ACRV1: variants seen among roughly 807,000 people sequenced by gnomAD.
ACRV1 encodes acrosomal vesicle protein 1, also known as acrosomal protein SP-10.
A neutral mutation model predicts 29.2 loss-of-function variants in ACRV1; 17 were observed. The observed-to-expected ratio is 0.58, with a 90% CI of 0.40 to 0.87. ACRV1 has a LOEUF of 0.87. Ranked by LOEUF, ACRV1 falls within the 40% of genes least tolerant of loss-of-function variation. The pLI, the probability that ACRV1 is intolerant of heterozygous loss-of-function variation, is 0.00. For synonymous variants in ACRV1, 98 were observed against 111.6 expected (o/e 0.88, Z 0.77); for missense variants, 294 against 316.0 (o/e 0.93, Z 0.53).
intron 3 of ACRV1, among the ~76,000 whole-genome samples, chr11:125,674,046 G>T (rs1314476742): frequency 6.6e-6 from 1 of 152,120 alleles, no homozygotes; most frequent in African/African-American, 2.4e-5. Context: ...AGCTACTCAG[G>T]AGGGTGAGGC....
intron 3 of ACRV1, 115 bp from the exon 4 acceptor site, chr11:125,672,832 A>G (rs1942267584): frequency 7.8e-7 from 1 of 1,281,566 alleles, no homozygotes; most frequent in Non-Finnish European, 1.1e-6. Context: ...CTTGTCCATT[A>G]TCCCTTCTCT....
intron 2 of ACRV1, 61 bp downstream of exon 2, chr11:125,677,736 T>C (rs888308236): frequency 1.9e-6 from 3 of 1,594,802 alleles, no homozygotes; most frequent in Non-Finnish European, 2.6e-6. Flanking sequence ...TGGGTTTTCT[T>C]GATGTGTTCC....
intron 1 of ACRV1, among the ~76,000 whole-genome samples, chr11:125,679,465 G>A (rs941508240): frequency 3.3e-5 from 5 of 152,044 alleles, no homozygotes; most frequent in African/African-American, 4.8e-5. Context: ...TGATCCGCCC[G>A]CCTCAGCCTC....
Position 125,677,985 on chromosome 11 carries a change from T to G in ACRV1, c.365A>C (p.Glu122Ala). ...CAAAGGCTGTTCTCCGGAGAGGTGTTCACCTGAAGGCTGTTCTCCTGAAGG... is the reference window on the plus strand; with the variant it reads ...CAAAGGCTGTTCTCCGGAGAGGTGTGCACCTGAAGGCTGTTCTCCTGAAGG... ...EQPSGEQPSG[E>A]HLSGEQPLSE... is the part of the protein sequence containing the mutation. The change falls in exon 2 of 4, where the codon GAA becomes GCA. Residue 122 changes from glutamate (E) to alanine (A), a missense_variant. By Grantham distance (107) the Glu-to-Ala change is moderately radical (BLOSUM62 -1). Transcript: ENST00000533904. 6.2e-7 allele frequency: 1 copy of G among 1,613,768 alleles called. No individual in the cohort carries two copies. Among genetic ancestry groups the G allele is most frequent in the Non-Finnish European group, 8.5e-7 (1 of 1,179,718 alleles).
chr11:125,678,203 AG>A lies in ACRV1; in HGVS notation c.146del (p.Pro49LeufsTer14), dbSNP rs1309910487. ...LPGEFFSLEN[P>X]SDAEALYETS... ...TCTCATATAAAGCCTCAGCATCAGA[AG>A]GGTTTTCAAGTGAAAAGAACTCACC... On this transcript the variant is annotated frameshift_variant, in exon 2 of 4. Coordinates refer to ENST00000533904, the MANE Select transcript of ACRV1 (RefSeq NM_001612.6). LOFTEE classifies it high-confidence loss of function. 2.5e-6 allele frequency: 4 copies of A among 1,614,084 alleles called. No homozygotes were observed. The highest frequency in any genetic ancestry group is 2.7e-5 in the African/African-American group (2 of 74,920).
intron 1 of ACRV1, among the ~76,000 whole-genome samples, chr11:125,679,445 T>C (rs1942698347): frequency 6.6e-6 from 1 of 152,148 alleles, no homozygotes; most frequent in Admixed American, 6.5e-5. Flanking sequence ...CTTGAACTCC[T>C]GACCTCAAGT....
chr11:125,677,729 G>A (rs1942578363), intron 2 of ACRV1, 68 bp downstream of exon 2: 11 of 1,585,112 alleles, frequency 6.9e-6, no homozygotes, highest in Non-Finnish European at 9.5e-6. Flanking sequence ...CTAAAATTGG[G>A]TTTTCTTGAT....
chr11:125,672,806 A>C, intron 3 of ACRV1, 89 bp from the exon 4 acceptor site: 1 of 1,515,038 alleles, frequency 6.6e-7, no homozygotes. Flanking sequence ...TCCATGCAGG[A>C]TGGTCAAGAC....
rs536046807 is a variant in ACRV1 at position 125,677,733 on chromosome 11, T to C, written c.553+64A>G. On this transcript the variant is annotated intron_variant, in intron 2 of 3. Transcript: ENST00000533904. The stretch of plus-strand genomic sequence containing the variant: ...GCACTCCTTCCCTAAAATTGGGTTT[T>C]CTTGATGTGTTCCCCATTTCCCACC... 4.7e-4 allele frequency: 742 copies of C among 1,592,878 alleles called. 13 individuals carry two copies. In the South Asian group the frequency reaches 7.8e-3, roughly 17 times the overall value.
rs1429917540 is a variant in ACRV1 at position 125,675,355 on chromosome 11, T to G, written c.673+1004A>C. 2.6e-5 allele frequency among the ~76,000 whole-genome samples: 4 copies of G among 151,300 alleles called. No individual in the cohort carries two copies. The East Asian group carries it at 7.7e-4, about 29-fold the overall frequency. On this transcript the variant is annotated intron_variant, in intron 3 of 3. Transcript: ENST00000533904. ...TCTCCCTTGTGATATTGTTTCTTAT[T>G]TCTTACATTATAACATAATCTCTTT...
chr11:125,676,597 G>C lies in ACRV1; in HGVS notation c.554-119C>G, dbSNP rs1168816556. On this transcript the variant is annotated intron_variant, in intron 2 of 3. Transcript: ENST00000533904. ...ATGGATACTACACATTTATTTCTTA[G>C]TTCTTTTTGGGGATCTGGGCCCTGT... The C allele has an allele frequency of 2.3e-5, 29 of 1,270,302 alleles. No homozygotes were observed. In the Middle Eastern group the frequency reaches 1.3e-3, roughly 56 times the overall value. The allele number at this position is 1,270,302 out of a possible 1,614,324, so 78.7% of individuals were successfully genotyped here. A position where few individuals can be genotyped will look rare whatever the true frequency, so the allele number is the denominator to read the frequency against.
chr11:125,679,581 A>C (rs1942704404), intron 1 of ACRV1, among the ~76,000 whole-genome samples: 1 of 152,250 alleles, frequency 6.6e-6, no homozygotes, highest in Non-Finnish European at 1.5e-5. Context: ...GAACAGAAGC[A>C]CAAAACAGAT....
At position 125,672,506 on chromosome 11, in the gene ACRV1, T is replaced by TG; in HGVS notation, c.*86dup. ...GAGGCAGATGTGGTCAGTTGTTGACTGGGGAAGGAACTAAATATAAAATGA... is the reference window on the plus strand; with the variant it reads ...GAGGCAGATGTGGTCAGTTGTTGACTGGGGGAAGGAACTAAATATAAAATGA... On this transcript the variant is annotated 3_prime_UTR_variant, in exon 4 of 4. Transcript: ENST00000533904. The TG allele has an allele frequency of 4.0e-6, 6 of 1,515,376 alleles. No individual in the cohort carries two copies. Among genetic ancestry groups the TG allele is most frequent in the Non-Finnish European group, 5.4e-6 (6 of 1,115,518 alleles). The allele number at this position is 1,515,376 out of a possible 1,614,324, so 93.9% of individuals were successfully genotyped here. A position where few individuals can be genotyped will look rare whatever the true frequency, so the allele number is the denominator to read the frequency against.
At chr11:125,673,364 G>C (rs1942306043) in intron 3 of ACRV1, among the ~76,000 whole-genome samples, 1 of 151,816 alleles carries the variant, frequency 6.6e-6, no homozygotes, top group Non-Finnish European at 1.5e-5. Context: ...CACCACACCT[G>C]GCTAATTTTT....
intron 3 of ACRV1, among the ~76,000 whole-genome samples, chr11:125,672,949 G>A (rs1367394721): frequency 6.6e-6 from 1 of 152,068 alleles, no homozygotes; most frequent in Non-Finnish European, 1.5e-5. Context: ...TTACAAGGAT[G>A]CTCAGGTTAC....
At chr11:125,675,373 A>G (rs1942452441) in intron 3 of ACRV1, among the ~76,000 whole-genome samples, 1 of 152,058 alleles carries the variant, frequency 6.6e-6, no homozygotes, top group African/African-American at 2.4e-5. Flanking sequence ...TTATAACATA[A>G]TCTCTTTGTA....
At position 125,672,497 on chromosome 11, in the gene ACRV1, G is replaced by C; in HGVS notation, c.*96C>G. 1 of 1,460,376 alleles carries C rather than the reference G, an allele frequency of 6.8e-7. No individual in the cohort carries two copies. The highest frequency in any genetic ancestry group is 1.3e-5 in the South Asian group (1 of 78,820). 90.5% of individuals were successfully genotyped at this position (1,460,376 alleles called of 1,614,324 possible). The stretch of plus-strand genomic sequence containing the variant: ...GCTCAGGCAGAGGCAGATGTGGTCA[G>C]TTGTTGACTGGGGAAGGAACTAAAT... On this transcript the variant is annotated 3_prime_UTR_variant, in exon 4 of 4. Transcript: ENST00000533904.
intron 3 of ACRV1, among the ~76,000 whole-genome samples, chr11:125,673,689 T>C (rs1195681815): frequency 1.3e-5 from 2 of 152,172 alleles, no homozygotes; most frequent in Non-Finnish European, 2.9e-5. Flanking sequence ...TGAAACTCAT[T>C]ACTTTCCTCC....
At chr11:125,678,827 G>A (rs182252101) in intron 1 of ACRV1, among the ~76,000 whole-genome samples, 30 of 151,564 alleles carry the variant, frequency 2.0e-4, no homozygotes, top group Non-Finnish European at 3.8e-4. Context: ...ACAAGTATGA[G>A]CCCACAAAAA....
Sources: gnomAD v4.1 joint callset for allele counts (sites outside exome capture counted in the v4.1 genomes callset) on GRCh38, gnomAD v4.1.1 for gene constraint, MANE v1.5 for transcripts, NCBI Gene and HGNC (gene_info 2026-07-23, HGNC 2026-07-21) for gene names.